CD164: variants seen among roughly 807,000 people sequenced by gnomAD.
CD164 encodes CD164 molecule, also known as sialomucin core protein 24.
CD164 carries 11 observed loss-of-function variants against 24.6 expected under a neutral mutation model. The observed-to-expected ratio is 0.45, with a 90% CI of 0.28 to 0.74. The LOEUF is 0.74. Ranked by LOEUF, CD164 falls within the 30% of genes least tolerant of loss-of-function variation. CD164 has a pLI of 0.13. For synonymous variants in CD164, 126 were observed against 100.3 expected (o/e 1.26, Z -1.53); for missense variants, 295 against 243.7 (o/e 1.21, Z -1.40).
At chr6:109,377,622 GTGA>G (rs1771484251) in intron 3 of CD164, among the ~76,000 whole-genome samples, 1 of 147,552 alleles carries the variant, frequency 6.8e-6, no homozygotes, top group Admixed American at 6.9e-5. Flanking sequence ...CGGCTAAACT[GTGA>G]TGAATTCCTA....
chr6:109,382,461 C>G lies in CD164; in HGVS notation c.-83G>C, dbSNP rs1771841457. On this transcript the variant is annotated 5_prime_UTR_variant, in exon 1 of 6. Coordinates refer to ENST00000310786, the MANE Select transcript of CD164 (RefSeq NM_006016.6). ...CCTCAATCCCCTGCGGCGCCGCCTCCGAGACTACGCTCCCCCGCGGGAGCG... is the reference window on the plus strand; with the variant it reads ...CCTCAATCCCCTGCGGCGCCGCCTCGGAGACTACGCTCCCCCGCGGGAGCG... 2 of 1,309,960 alleles carry G rather than the reference C, an allele frequency of 1.5e-6. No homozygotes were observed. The highest frequency in any genetic ancestry group is 2.0e-6 in the Non-Finnish European group (2 of 1,002,334). 81.1% of individuals were successfully genotyped at this position (1,309,960 alleles called of 1,614,324 possible).
rs546423608 is a variant in CD164, at chr6:109,382,414, G to A, written c.-36C>T. 7.0e-5 allele frequency: 103 copies of A among 1,475,838 alleles called. No individual in the cohort carries two copies. In the Admixed American group the frequency reaches 1.5e-3, roughly 21 times the overall value. The allele number at this position is 1,475,838 out of a possible 1,614,324, so 91.4% of individuals were successfully genotyped here. On this transcript the variant is annotated 5_prime_UTR_variant, in exon 1 of 6. Transcript: ENST00000310786. ...GCGCTGGCGTTCGGGAGAAAGCTAA[G>A]GCTCGCAACGCTCAGTCAACCCCTC...
intron 4 of CD164, chr6:109,371,610 T>C (rs1302523468): frequency 2.0e-5 from 3 of 153,794 alleles, no homozygotes; most frequent in Non-Finnish European, 4.4e-5. Flanking sequence ...TGACCAAGGC[T>C]TTCAGAAAGG....
chr6:109,381,455 G>GT (rs1467632257), intron 1 of CD164: 1 of 700,436 alleles, frequency 1.4e-6, no homozygotes, highest in Non-Finnish European at 2.6e-6. Context: ...TGTCAGGAGA[G>GT]TTTACTCATC....
chr6:109,382,384 C>T lies in CD164; in HGVS notation c.-6G>A, dbSNP rs1482975034. 1.3e-6 allele frequency: 2 copies of T among 1,526,966 alleles called. No homozygotes were observed. Among genetic ancestry groups the T allele is most frequent in the Non-Finnish European group, 1.8e-6 (2 of 1,141,138 alleles). The allele number at this position is 1,526,966 out of a possible 1,614,324, so 94.6% of individuals were successfully genotyped here. On this transcript the variant is annotated 5_prime_UTR_variant, in exon 1 of 6. Coordinates refer to ENST00000310786, the MANE Select transcript of CD164 (RefSeq NM_006016.6). Reference sequence around the variant, plus strand: ...GAGCGGGAGAGCCGCGACATCGTGTCCTCAGCGCTGGCGTTCGGGAGAAAG... The same window carrying T: ...GAGCGGGAGAGCCGCGACATCGTGTTCTCAGCGCTGGCGTTCGGGAGAAAG...
In CD164 at chr6:109,368,466, T is replaced by G. The variant is rs1469285166; in HGVS notation, c.*385A>C. ...TAATTGATTCTCATTTGGCACGTTC[T>G]TCTCAATTCTGTTCACTAAATTAAA... On this transcript the variant is annotated 3_prime_UTR_variant, in exon 6 of 6. Coordinates refer to ENST00000310786, the MANE Select transcript of CD164 (RefSeq NM_006016.6). 2.2e-6 allele frequency: 3 copies of G among 1,377,052 alleles called. No homozygotes were observed. The South Asian group carries it at 5.5e-5, about 25-fold the overall frequency. The allele number at this position is 1,377,052 out of a possible 1,614,324, so 85.3% of individuals were successfully genotyped here.
intron 1 of CD164, chr6:109,381,944 G>C: frequency 2.6e-6 from 1 of 384,398 alleles, no homozygotes; most frequent in Non-Finnish European, 4.6e-6. Flanking sequence ...AAGGCACCTC[G>C]ACTTGCAACA....
intron 2 of CD164, among the ~76,000 whole-genome samples, chr6:109,379,257 G>A (rs945979339): frequency 6.6e-6 from 1 of 152,140 alleles, no homozygotes. Flanking sequence ...CTGTAGTCTT[G>A]GCTACTAGGG....
At chr6:109,369,546 G>C (rs561021859) in intron 5 of CD164, among the ~76,000 whole-genome samples, 1 of 73,406 alleles carries the variant, frequency 1.4e-5, no homozygotes, top group African/African-American at 3.9e-5. Context: ...GTATTATCAA[G>C]TAATAAGGAA....
chr6:109,376,101 T>C lies in CD164; in HGVS notation c.343A>G (p.Thr115Ala), dbSNP rs759982416. 6.4e-7 allele frequency: 1 copy of C among 1,566,746 alleles called. No homozygotes were observed. Among genetic ancestry groups the C allele is most frequent in the African/African-American group, 1.4e-5 (1 of 71,636 alleles). Residue 115 changes from threonine to alanine, a missense_variant, in exon 4 of 6, where the codon ACT becomes GCT. By Grantham distance (58) the Thr-to-Ala change is moderately conservative. Transcript: ENST00000310786. The part of the protein sequence containing the change: ...TTDFCSVSTA[T>A]PVPTANSTAK... ...GTAGAATTGGCTGTTGGCACTGGAG[T>C]GGCCGTGGAAACTATTAAAAAAAGA...
Position 109,368,554 on chromosome 6 carries a change from C to A in CD164, c.*297G>T. 7.5e-7 allele frequency: 1 copy of A among 1,332,002 alleles called. No homozygotes were observed. The highest frequency in any genetic ancestry group is 9.6e-7 in the Non-Finnish European group (1 of 1,046,968). 82.5% of individuals were successfully genotyped at this position (1,332,002 alleles called of 1,614,324 possible). ...CTGCACAAGACAACATTTTCCATCA[C>A]TTTCAGAAAGTTATATTTGGCATGT... On this transcript the variant is annotated 3_prime_UTR_variant, in exon 6 of 6. Coordinates refer to ENST00000310786, the MANE Select transcript of CD164 (RefSeq NM_006016.6).
chr6:109,381,802 G>A lies in CD164; in HGVS notation c.175+402C>T, dbSNP rs983232814. On this transcript the variant is annotated intron_variant, in intron 1 of 5. Coordinates refer to ENST00000310786, the MANE Select transcript of CD164 (RefSeq NM_006016.6). ...GAACAACCAGTGGCAGGGAGAGGCA[G>A]CTCGGCCCCACCGCCAACCTCAGAG... The A allele has an allele frequency of 1.1e-5, 6 of 559,398 alleles. No individual in the cohort carries two copies. In the Admixed American group the frequency reaches 1.7e-4, roughly 15 times the overall value. 34.7% of individuals were successfully genotyped at this position (559,398 alleles called of 1,614,324 possible). A position where few individuals can be genotyped will look rare whatever the true frequency, so the allele number is the denominator to read the frequency against.
intron 1 of CD164, chr6:109,381,976 C>T (rs1771778812): frequency 2.6e-6 from 1 of 380,968 alleles, no homozygotes; most frequent in Middle Eastern, 7.0e-4. Context: ...GCCCCAGCCC[C>T]GCAGCCACTG....
At chr6:109,375,982 C>T in intron 4 of CD164, 92 bp downstream of exon 4, 1 of 980,046 alleles carries the variant, frequency 1.0e-6, no homozygotes, top group Non-Finnish European at 1.5e-6. Context: ...TAAAATTATA[C>T]TAACAACTTT....
At chr6:109,370,690 CT>C (rs1250650640) in intron 4 of CD164, 4 of 452,872 alleles carry the variant, frequency 8.8e-6, no homozygotes, top group Non-Finnish European at 1.6e-5. Context: ...TTGTTAATAT[CT>C]ATGTATCTAT....
intron 3 of CD164, among the ~76,000 whole-genome samples, chr6:109,377,148 G>A (rs896678350): frequency 1.2e-4 from 18 of 152,098 alleles, no homozygotes; most frequent in African/African-American, 3.9e-4. Flanking sequence ...AAGTTTGTTC[G>A]TGTACCACCT....
At chr6:109,381,294 A>C (rs114103926) in intron 1 of CD164, among the ~76,000 whole-genome samples, 1 of 152,240 alleles carries the variant, frequency 6.6e-6, no homozygotes, top group Non-Finnish European at 1.5e-5. Context: ...GCGACTGCAC[A>C]TAACAAAAGA....
intron 5 of CD164, among the ~76,000 whole-genome samples, chr6:109,369,384 CAT>C (rs1208486501): frequency 6.6e-6 from 1 of 152,166 alleles, no homozygotes; most frequent in Non-Finnish European, 1.5e-5. Flanking sequence ...TGAGAATTCA[CAT>C]GACTTTTGAA....
chr6:109,375,853 T>G (rs1771375923), intron 4 of CD164: 1 of 490,620 alleles, frequency 2.0e-6, no homozygotes, highest in Non-Finnish European at 3.5e-6. Context: ...GTACACAGCC[T>G]CAGCAAATCT....
Sources: allele counts gnomAD v4.1 joint callset (sites outside exome capture counted in the v4.1 genomes callset), GRCh38; gene constraint gnomAD v4.1.1; transcripts MANE v1.5; gene names NCBI Gene and HGNC (gene_info 2026-07-23, HGNC 2026-07-21).